TEX11: variants seen among roughly 807,000 people sequenced by gnomAD.
TEX11 encodes the protein testis-expressed protein 11.
A neutral mutation model predicts 84.4 loss-of-function variants in TEX11; 7 were observed. The ratio of observed to expected loss-of-function variants is 0.08; its 90% CI spans 0.05 to 0.16. The LOEUF is 0.16. Ranked by LOEUF, TEX11 falls within the 10% of genes least tolerant of loss-of-function variation. The probability of loss-of-function intolerance (pLI) is 1.00; values close to 1 mark genes in which losing one functional copy is unlikely to be tolerated. For missense variants in TEX11, 551 were observed against 660.5 expected (o/e 0.83, Z 1.82); for synonymous variants, 264 against 222.8 (o/e 1.18, Z -1.64).
chrX:70,894,270 C>T (rs928971450), intron 2 of TEX11, among the ~76,000 whole-genome samples: 6 of 110,797 alleles, frequency 5.4e-5, no homozygotes, highest in Admixed American at 2.9e-4. Context: ...GACACACACA[C>T]GAAAAAAGAA....
intron 28 of TEX11, among the ~76,000 whole-genome samples, chrX:70,543,875 T>G (rs754023256): frequency 1.4e-4 from 16 of 112,240 alleles, no homozygotes; most frequent in Middle Eastern, 4.2e-3. Context: ...CCTACACACC[T>G]AGGCGATATG....
chrX:70,528,997 G>C lies in TEX11; in HGVS notation c.*98C>G. 2 of 632,765 alleles carry C rather than the reference G, an allele frequency of 3.2e-6. No individual in the cohort carries two copies. Among genetic ancestry groups the C allele is most frequent in the Non-Finnish European group, 5.0e-6 (2 of 397,588 alleles). The allele number at this position is 632,765 out of a possible 1,213,427, so 52.1% of individuals were successfully genotyped here. On this transcript the variant is annotated 3_prime_UTR_variant, in exon 30 of 30. Coordinates refer to ENST00000374333, the MANE Select transcript of TEX11 (RefSeq NM_031276.3). ...ATTCAACAACATGAAAACAGGGTCT[G>C]AGCAAACAGAAACAAAAGCTCAAGA...
intron 13 of TEX11, among the ~76,000 whole-genome samples, chrX:70,696,604 C>CA (rs1389419939): frequency 5.5e-5 from 6 of 109,709 alleles, no homozygotes; most frequent in South Asian, 3.9e-4. Context: ...CCTGTCTCTA[C>CA]AAAAAAAATT....
intron 25 of TEX11, among the ~76,000 whole-genome samples, chrX:70,590,017 G>A (rs980812858): frequency 8.9e-6 from 1 of 111,910 alleles, no homozygotes; most frequent in Non-Finnish European, 1.9e-5. Context: ...GTGATCAGAC[G>A]ATGTTGTCTG....
intron 20 of TEX11, among the ~76,000 whole-genome samples, chrX:70,615,625 GATA>G (rs1214835016): frequency 8.9e-6 from 1 of 111,914 alleles, no homozygotes; most frequent in Non-Finnish European, 1.9e-5. Context: ...TTCTTAAAGG[GATA>G]ATAATAGAAA....
At chrX:70,526,389 C>A (rs1428987463), downstream of TEX11, among the ~76,000 whole-genome samples, 2 of 109,852 alleles carry the variant, frequency 1.8e-5, no homozygotes, top group Non-Finnish European at 1.9e-5. Context: ...GCCAACATGG[C>A]GAAATCTCGT....
In TEX11 at chrX:70,823,919, C is replaced by T. The variant is rs562807698; in HGVS notation, c.606+9594G>A. Among the ~76,000 whole-genome samples the T allele has an allele frequency of 3.1e-4, 34 of 111,239 alleles. 1 individual carries two copies. The South Asian group carries it at 0.013, about 41-fold the overall frequency. On this transcript the variant is annotated intron_variant, in intron 8 of 29. Coordinates refer to ENST00000374333, the MANE Select transcript of TEX11 (RefSeq NM_031276.3). ...CCTGTAGTCCCGGCTACTTGGGAGGCTGAGGCAGGAGAATCACTTAAATCT... is the reference window on the plus strand; with the variant it reads ...CCTGTAGTCCCGGCTACTTGGGAGGTTGAGGCAGGAGAATCACTTAAATCT...
At chrX:70,659,006 T>G (rs749302401) in intron 16 of TEX11, among the ~76,000 whole-genome samples, 1 of 112,123 alleles carries the variant, frequency 8.9e-6, no homozygotes, top group African/African-American at 3.2e-5. Flanking sequence ...GATATCCACA[T>G]GCAAAAGAAA....
intron 16 of TEX11, among the ~76,000 whole-genome samples, chrX:70,662,891 G>A (rs1035919062): frequency 3.6e-5 from 4 of 111,540 alleles, no homozygotes; most frequent in Admixed American, 1.9e-4. Context: ...AAATCTCTCA[G>A]GATAATGGAA....
intron 28 of TEX11, among the ~76,000 whole-genome samples, chrX:70,532,970 G>A (rs1420969951): frequency 9.0e-6 from 1 of 110,822 alleles, no homozygotes; most frequent in Non-Finnish European, 1.9e-5. Flanking sequence ...CCTGGGAGGC[G>A]GAGCTTGAAG....
chrX:70,895,491 T>C (rs1433388197), intron 2 of TEX11, among the ~76,000 whole-genome samples: 1 of 111,950 alleles, frequency 8.9e-6, no homozygotes, highest in East Asian at 2.8e-4. Flanking sequence ...TAAGCTATCA[T>C]TGACTTTCTT....
At chrX:70,720,080 T>A (rs1370930944) in intron 13 of TEX11, among the ~76,000 whole-genome samples, 7 of 112,078 alleles carry the variant, frequency 6.2e-5, no homozygotes, top group Non-Finnish European at 1.3e-4. Context: ...CGTATGTTCA[T>A]TGTGGCACTA....
At chrX:70,753,368 G>A (rs1357592545) in intron 9 of TEX11, among the ~76,000 whole-genome samples, 1 of 111,324 alleles carries the variant, frequency 9.0e-6, no homozygotes, top group Non-Finnish European at 1.9e-5. Context: ...ATCGAAGAGT[G>A]GGGAGAACTT....
At chrX:70,855,565 C>CAA (rs36075950) in intron 5 of TEX11, among the ~76,000 whole-genome samples, 2 of 85,417 alleles carry the variant, frequency 2.3e-5, no homozygotes, top group Non-Finnish European at 2.3e-5. Context: ...GACTCTGTCT[C>CAA]AAAAAAAAAA....
At chrX:70,777,503 G>C (rs2091009647) in intron 9 of TEX11, among the ~76,000 whole-genome samples, 1 of 111,121 alleles carries the variant, frequency 9.0e-6, no homozygotes, top group African/African-American at 3.3e-5. Context: ...TACAAAATTA[G>C]CTGGGCGTGG....
intron 13 of TEX11, among the ~76,000 whole-genome samples, chrX:70,700,571 CT>C (rs957455579): frequency 9.0e-6 from 1 of 111,332 alleles, no homozygotes; most frequent in African/African-American, 3.3e-5. Context: ...TTGGGCACCC[CT>C]ATTCCCTGAG....
intron 9 of TEX11, among the ~76,000 whole-genome samples, chrX:70,756,048 T>A (rs1185267447): frequency 9.0e-6 from 1 of 111,582 alleles, no homozygotes; most frequent in Non-Finnish European, 1.9e-5. Flanking sequence ...GGGAGGGGTG[T>A]TGCCATTGCT....
intron 13 of TEX11, among the ~76,000 whole-genome samples, chrX:70,717,414 G>C (rs1351951534): frequency 9.1e-6 from 1 of 109,469 alleles, no homozygotes; most frequent in Non-Finnish European, 1.9e-5. Context: ...CGTCTCCTGG[G>C]TTCAAGCAAT....
In TEX11 at chrX:70,537,565, GAGAA is replaced by G. The variant is rs988161744; in HGVS notation, c.2521-7570_2521-7567del. 1.1e-4 allele frequency among the ~76,000 whole-genome samples: 12 copies of G among 109,328 alleles called. No individual in the cohort carries two copies. In the South Asian group the frequency reaches 1.2e-3, roughly 11 times the overall value. The allele number at this position is 109,328 out of a possible 115,157, so 94.9% of individuals were successfully genotyped here. ...GAAGCAAATAAAGAAATAAAGAAAA[GAGAA>G]AGAAAGAAAGGAAAAGAAAGAGAAA... On this transcript the variant is annotated intron_variant, in intron 28 of 29. Coordinates refer to ENST00000374333, the MANE Select transcript of TEX11 (RefSeq NM_031276.3).
Sources: allele counts gnomAD v4.1 joint callset (sites outside exome capture counted in the v4.1 genomes callset), GRCh38; gene constraint gnomAD v4.1.1; transcripts MANE v1.5; gene names NCBI Gene and HGNC (gene_info 2026-07-23, HGNC 2026-07-21).